The following RNF138 variants were observed in gnomAD, a reference collection of about 807,000 sequenced individuals.
The protein encoded by RNF138 is ring finger protein 138, also known as E3 ubiquitin-protein ligase RNF138.
RNF138 carries 12 observed loss-of-function variants against 31.0 expected under a neutral mutation model. The ratio of observed to expected loss-of-function variants is 0.39; its 90% CI spans 0.25 to 0.63. The LOEUF (loss-of-function observed/expected upper bound fraction) is 0.63, where lower values mean the gene tolerates loss of function less well. Ranked by LOEUF, RNF138 falls within the 20% of genes least tolerant of loss-of-function variation. RNF138 has a pLI of 0.52. For missense variants in RNF138, 192 were observed against 300.1 expected, an observed-to-expected ratio of 0.64 and a Z score of 2.66; for synonymous variants, 105 against 99.5, an observed-to-expected ratio of 1.06 and a Z score of -0.33.
chr18:32,120,727 G>GA (rs2040290381), intron 4 of RNF138, among the ~76,000 whole-genome samples: 1 of 152,168 alleles, frequency 6.6e-6, no homozygotes, highest in Non-Finnish European at 1.5e-5. Context: ...ATAGAAGGGA[G>GA]AACGTGTTTA....
intron 2 of RNF138, 111 bp from the exon 3 acceptor site, chr18:32,111,643 G>A (rs2040132909): frequency 3.4e-6 from 3 of 874,722 alleles, no homozygotes; most frequent in Non-Finnish European, 5.3e-6. Flanking sequence ...CATATGAGTA[G>A]CCTAACTTAT....
At chr18:32,094,398 T>A (rs1460052205) in intron 2 of RNF138, among the ~76,000 whole-genome samples, 2 of 152,200 alleles carry the variant, frequency 1.3e-5, no homozygotes, top group Non-Finnish European at 2.9e-5. Flanking sequence ...GTGTGGATTT[T>A]CATGATAGAA....
intron 2 of RNF138, 105 bp downstream of exon 2, chr18:32,092,991 G>T (rs2039729755): frequency 7.2e-6 from 4 of 556,796 alleles, no homozygotes; most frequent in Admixed American, 8.7e-5. Context: ...GCCCGCCGCG[G>T]CCTGCCCGAG....
At chr18:32,095,486 CAT>C (rs1340366250) in intron 2 of RNF138, among the ~76,000 whole-genome samples, 1 of 152,130 alleles carries the variant, frequency 6.6e-6, no homozygotes, top group Non-Finnish European at 1.5e-5. Context: ...TTTTAATTAA[CAT>C]AGTTATCTAT....
intron 3 of RNF138, among the ~76,000 whole-genome samples, chr18:32,112,406 C>T (rs1377976248): frequency 2.6e-5 from 4 of 152,086 alleles, no homozygotes; most frequent in African/African-American, 7.2e-5. Flanking sequence ...TCACAAGGGC[C>T]GGGCATGGTG....
intron 7 of RNF138, 118 bp downstream of exon 7, chr18:32,126,918 G>A: frequency 1.6e-6 from 1 of 614,162 alleles, no homozygotes; most frequent in Non-Finnish European, 2.9e-6. Flanking sequence ...TGGATTTAGA[G>A]CAAGTTCTTA....
chr18:32,124,564 C>T, intron 5 of RNF138, 170 bp from the exon 6 acceptor site: 1 of 556,126 alleles, frequency 1.8e-6, no homozygotes, highest in East Asian at 2.9e-5. Flanking sequence ...GATTGGGAAC[C>T]TCTGTAATGC....
chr18:32,092,857 G>T lies in RNF138; in HGVS notation c.81G>T (p.Thr27=), dbSNP rs1297130567. 1.9e-6 allele frequency: 3 copies of T among 1,589,208 alleles called. No individual in the cohort carries two copies. ...YCPVCQEVLK[T]PVRTTACQHV... ...CCGTCTGTCAGGAGGTGCTCAAAAC[G>T]CCCGTGCGGACCACGGCCTGTCAGC... Residue 27 remains threonine (T), a synonymous_variant, in exon 2 of 8, where the codon ACG becomes ACT. Transcript: ENST00000261593.
chr18:32,099,741 A>T (rs1164683326), intron 2 of RNF138, among the ~76,000 whole-genome samples: 4 of 152,214 alleles, frequency 2.6e-5, no homozygotes, highest in African/African-American at 9.7e-5. Context: ...TGTAATCATA[A>T]CATTTTTGGA....
In RNF138 at chr18:32,130,129, G is replaced by GT. The variant is rs1396578703; in HGVS notation, c.*943dup. On this transcript the variant is annotated 3_prime_UTR_variant, in exon 8 of 8. Transcript: ENST00000261593. ...ATACACATATGTGTGTATGCAGTTT[G>GT]TCAGGTTATATATAGAATTTCTATT... 6.6e-6 allele frequency: 1 copy of GT among 152,368 alleles called. No individual in the cohort carries two copies. Among genetic ancestry groups the GT allele is most frequent in the Non-Finnish European group, 1.5e-5 (1 of 67,890 alleles). The allele number at this position is 152,368 out of a possible 1,614,324, so 9.4% of individuals were successfully genotyped here.
intron 2 of RNF138, among the ~76,000 whole-genome samples, chr18:32,093,504 G>A (rs1327462772): frequency 6.6e-6 from 1 of 152,190 alleles, no homozygotes; most frequent in East Asian, 1.9e-4. Flanking sequence ...GAGGGATCTA[G>A]AATGAGTTTT....
intron 3 of RNF138, 53 bp downstream of exon 3, chr18:32,111,972 AT>A (rs1407354663): frequency 7.1e-7 from 1 of 1,411,302 alleles, no homozygotes; most frequent in Non-Finnish European, 9.5e-7. Flanking sequence ...CTACTCTGAA[AT>A]TCTTATTTGA....
chr18:32,095,779 T>G (rs1029812739), intron 2 of RNF138, among the ~76,000 whole-genome samples: 3 of 152,228 alleles, frequency 2.0e-5, no homozygotes, highest in African/African-American at 7.2e-5. Context: ...TCCCTGAAAC[T>G]GCAGTTGTTG....
chr18:32,103,770 T>C (rs931840205), intron 2 of RNF138, among the ~76,000 whole-genome samples: 8 of 151,956 alleles, frequency 5.3e-5, no homozygotes, highest in African/African-American at 1.9e-4. Flanking sequence ...GAGATCATCC[T>C]GGCTAACATG....
chr18:32,126,680 C>CT lies in RNF138; in HGVS notation c.562-12dup. 1.4e-6 allele frequency: 2 copies of CT among 1,400,792 alleles called. No homozygotes were observed. The highest frequency in any genetic ancestry group is 2.0e-6 in the Non-Finnish European group (2 of 1,000,006). 86.8% of individuals were successfully genotyped at this position (1,400,792 alleles called of 1,614,324 possible). A position where few individuals can be genotyped will look rare whatever the true frequency, so the allele number is the denominator to read the frequency against. On this transcript the variant is annotated splice_polypyrimidine_tract_variant and intron_variant, in intron 6 of 7. Coordinates refer to ENST00000261593, the MANE Select transcript of RNF138 (RefSeq NM_016271.5). ...TTTATTATTTTTTGTTTAAAACAAT[C>CT]TGTTTCTTATAGACATGTCCTATTT...
chr18:32,110,815 C>G (rs1324212704), intron 2 of RNF138, among the ~76,000 whole-genome samples: 5 of 150,970 alleles, frequency 3.3e-5, no homozygotes, highest in African/African-American at 1.2e-4. Flanking sequence ...GAGTCTTGCT[C>G]TGTCGCCCAG....
At chr18:32,126,350 G>A (rs770623501) in intron 6 of RNF138, among the ~76,000 whole-genome samples, 4 of 152,152 alleles carry the variant, frequency 2.6e-5, no homozygotes, top group Non-Finnish European at 4.4e-5. Flanking sequence ...TTATTGTATG[G>A]ATCAAATGAG....
At chr18:32,110,858 G>A (rs2040116158) in intron 2 of RNF138, among the ~76,000 whole-genome samples, 1 of 151,450 alleles carries the variant, frequency 6.6e-6, no homozygotes, top group African/African-American at 2.4e-5. Flanking sequence ...TCGGCTCACT[G>A]CAACCTCTGT....
chr18:32,128,738 CAT>C (rs1459270765), intron 7 of RNF138, among the ~76,000 whole-genome samples: 2 of 152,128 alleles, frequency 1.3e-5, no homozygotes, highest in Non-Finnish European at 2.9e-5. Flanking sequence ...ACCTCAAACT[CAT>C]AGGCTCAAAC....
Sources: gnomAD v4.1 joint callset for allele counts (sites outside exome capture counted in the v4.1 genomes callset) on GRCh38, gnomAD v4.1.1 for gene constraint, MANE v1.5 for transcripts, NCBI Gene and HGNC (gene_info 2026-07-23, HGNC 2026-07-21) for gene names.